CADM2: variants seen among roughly 807,000 people sequenced by gnomAD.
CADM2 encodes immunoglobulin superfamily member 4D.
In CADM2, 12 loss-of-function variants were observed where a neutral mutation model predicts 49.8. The ratio of observed to expected loss-of-function variants is 0.24; its 90% confidence interval spans 0.15 to 0.39. The LOEUF (loss-of-function observed/expected upper bound fraction) is 0.39, where lower values mean the gene tolerates loss of function less well. Ranked by LOEUF, CADM2 falls within the 10% of genes least tolerant of loss-of-function variation. The probability of loss-of-function intolerance (pLI) is 1.00; values close to 1 mark genes in which losing one functional copy is unlikely to be tolerated. For missense variants in CADM2, 378 were observed against 492.3 expected, an observed-to-expected ratio of 0.77 and a Z score of 2.20; for synonymous variants, 214 against 175.4, an observed-to-expected ratio of 1.22 and a Z score of -1.74.
chr3:85,785,710 G>A (rs2070940510), intron 2 of CADM2, among the ~76,000 whole-genome samples: 1 of 152,068 alleles, frequency 6.6e-6, no homozygotes, highest in African/African-American at 2.4e-5. Flanking sequence ...GAGTTAGCAT[G>A]AGCAACCTCA....
intron 1 of CADM2, among the ~76,000 whole-genome samples, chr3:85,035,663 A>G (rs540455602): frequency 6.6e-6 from 1 of 152,036 alleles, no homozygotes; most frequent in Non-Finnish European, 1.5e-5. Flanking sequence ...TCCCAGCACA[A>G]TTTATTGAAG....
At chr3:85,973,077 A>G (rs896969133) in intron 8 of CADM2, among the ~76,000 whole-genome samples, 3 of 151,750 alleles carry the variant, frequency 2.0e-5, no homozygotes, top group Non-Finnish European at 4.4e-5. Context: ...CATCTCACAC[A>G]TGATAAAAGG....
intron 1 of CADM2, among the ~76,000 whole-genome samples, chr3:85,460,615 C>T (rs993611435): frequency 4.6e-5 from 7 of 152,092 alleles, no homozygotes; most frequent in African/African-American, 1.2e-4. Context: ...TTTACCATTG[C>T]GATTTCTTCA....
intron 2 of CADM2, among the ~76,000 whole-genome samples, chr3:85,765,957 C>T (rs1482512663): frequency 2.0e-5 from 3 of 152,038 alleles, no homozygotes; most frequent in African/African-American, 4.8e-5. Context: ...TGAATAAATG[C>T]CCCTCATATG....
At chr3:85,641,820 A>G (rs540068471) in intron 1 of CADM2, among the ~76,000 whole-genome samples, 61 of 151,510 alleles carry the variant, frequency 4.0e-4, no homozygotes, top group Non-Finnish European at 8.1e-4. Context: ...AGTCCCAGCT[A>G]CTCGGGAGGC....
chr3:85,667,165 A>G (rs2065595063), intron 1 of CADM2, among the ~76,000 whole-genome samples: 1 of 152,008 alleles, frequency 6.6e-6, no homozygotes, highest in Admixed American at 6.6e-5. Context: ...TAAGAGTAAA[A>G]GTCTCAGAGG....
At chr3:85,480,837 A>G (rs900338028) in intron 1 of CADM2, among the ~76,000 whole-genome samples, 3 of 151,840 alleles carry the variant, frequency 2.0e-5, no homozygotes, top group African/African-American at 7.2e-5. Flanking sequence ...AGGACAGAGT[A>G]ACACAAAAAT....
chr3:85,743,433 C>T lies in CADM2; in HGVS notation c.88+16885C>T, dbSNP rs540530298. ...TGAAAAGGTTTGTGCTGCATAAGGA[C>T]ATTTGTCTCTATCGCTTTAAAGCAT... On this transcript the variant is annotated intron_variant, in intron 2 of 9. Coordinates refer to ENST00000383699, the MANE Select transcript of CADM2 (RefSeq NM_001167675.2). Among the ~76,000 whole-genome samples, 13 of 152,292 alleles carry T rather than the reference C, an allele frequency of 8.5e-5. No homozygotes were observed. In the South Asian group the frequency reaches 2.7e-3, roughly 32 times the overall value.
At chr3:85,442,588 GTA>G (rs55882841) in intron 1 of CADM2, among the ~76,000 whole-genome samples, 2,164 of 119,798 alleles carry the variant, frequency 0.018, 33 homozygotes, top group African/African-American at 0.054. Flanking sequence ...TTATATATGA[GTA>G]TATATATATA....
intron 1 of CADM2, among the ~76,000 whole-genome samples, chr3:85,610,297 T>C (rs1160910371): frequency 3.9e-5 from 6 of 151,986 alleles, no homozygotes; most frequent in Admixed American, 1.3e-4. Flanking sequence ...CTAAATACAT[T>C]GTGAATACCT....
At chr3:84,959,736 A>AT in intron 1 of CADM2, 68 bp downstream of exon 1, 1 of 1,369,950 alleles carries the variant, frequency 7.3e-7, no homozygotes, top group Non-Finnish European at 1.0e-6. Flanking sequence ...ATTCCACCCC[A>AT]TATTTCCACT....
intron 1 of CADM2, among the ~76,000 whole-genome samples, chr3:85,445,226 T>C (rs531509076): frequency 1.3e-5 from 2 of 152,106 alleles, no homozygotes; most frequent in Non-Finnish European, 2.9e-5. Context: ...ACACCCTGCA[T>C]CCAGTGCTTG....
At chr3:85,398,875 T>G (rs2034937362) in intron 1 of CADM2, among the ~76,000 whole-genome samples, 1 of 152,192 alleles carries the variant, frequency 6.6e-6, no homozygotes, top group Non-Finnish European at 1.5e-5. Context: ...TAAATATGTT[T>G]GAGTTCTTTG....
Position 85,894,360 on chromosome 3 carries a change from T to G in CADM2, c.529+8033T>G, listed in dbSNP as rs1714915649. 2.0e-5 allele frequency among the ~76,000 whole-genome samples: 3 copies of G among 151,314 alleles called. No individual in the cohort carries two copies. In the South Asian group the frequency reaches 6.3e-4, roughly 32 times the overall value. ...GGGAACTGTTGTGGGGTAGGGGAAG[T>G]GGGGAGGGATAGCATTAGGAGATAT... On this transcript the variant is annotated intron_variant, in intron 5 of 9. Coordinates refer to ENST00000383699, the MANE Select transcript of CADM2 (RefSeq NM_001167675.2).
intron 1 of CADM2, among the ~76,000 whole-genome samples, chr3:85,178,956 A>C (rs568984394): frequency 2.3e-4 from 35 of 152,058 alleles, no homozygotes; most frequent in South Asian, 1.5e-3. Context: ...ACTTAAAATT[A>C]TACTTTTGAA....
chr3:85,468,913 C>T (rs915950845), intron 1 of CADM2, among the ~76,000 whole-genome samples: 3 of 152,192 alleles, frequency 2.0e-5, no homozygotes, highest in African/African-American at 7.2e-5. Flanking sequence ...TTGTCCTATC[C>T]AGGGGCAAGA....
At chr3:85,408,010 C>CAAAAAAAAAAAAAAAAAAA (rs372349246) in intron 1 of CADM2, among the ~76,000 whole-genome samples, 152 of 56,150 alleles carry the variant, frequency 2.7e-3, no homozygotes, top group East Asian at 4.4e-3. Context: ...AAAACAAAAC[C>CAAAAAAAAAAAAAAAAAAA]AAAAAAAAAA....
At chr3:85,826,232 C>A (rs2073903964) in intron 3 of CADM2, among the ~76,000 whole-genome samples, 2 of 151,914 alleles carry the variant, frequency 1.3e-5, no homozygotes, top group South Asian at 2.1e-4. Flanking sequence ...TCTGCGATAC[C>A]AATGAGTTAA....
chr3:86,037,852 G>A (rs940918862), intron 8 of CADM2, among the ~76,000 whole-genome samples: 1 of 152,016 alleles, frequency 6.6e-6, no homozygotes, highest in Non-Finnish European at 1.5e-5. Context: ...TTTACTCTAA[G>A]TTCCAGAATA....
Sources: gnomAD v4.1 joint callset for allele counts (sites outside exome capture counted in the v4.1 genomes callset) on GRCh38, gnomAD v4.1.1 for gene constraint, MANE v1.5 for transcripts, NCBI Gene and HGNC (gene_info 2026-07-23, HGNC 2026-07-21) for gene names.